DIDO1: variants seen among roughly 807,000 people sequenced by gnomAD.
The protein encoded by DIDO1 is death inducer-obliterator 1.
A neutral mutation model predicts 99.4 loss-of-function variants in DIDO1; 16 were observed. The observed-to-expected ratio is 0.16, with a 90% CI of 0.11 to 0.24. DIDO1 has a LOEUF of 0.24. DIDO1 is among the 10% of genes least tolerant of loss of function. DIDO1 has a pLI of 1.00. For missense variants in DIDO1, 2,996 were observed against 3,014.0 expected, an observed-to-expected ratio of 0.99 and a Z score of 0.14; for synonymous variants, 1,366 against 1,239.1, an observed-to-expected ratio of 1.10 and a Z score of -2.15.
At chr20:62,886,172 C>T (rs547216736) in intron 15 of DIDO1, among the ~76,000 whole-genome samples, 2 of 152,306 alleles carry the variant, frequency 1.3e-5, no homozygotes, top group South Asian at 2.1e-4. Flanking sequence ...AACCAGGGGC[C>T]GGGGCTCAGG....
At chr20:62,899,323 A>G (rs1050621683) in intron 6 of DIDO1, among the ~76,000 whole-genome samples, 13 of 152,258 alleles carry the variant, frequency 8.5e-5, no homozygotes, top group Admixed American at 8.5e-4. Flanking sequence ...TGACACACAG[A>G]ACACCTGTGT....
Position 62,880,678 on chromosome 20 carries a change from C to T in DIDO1, c.5278G>A (p.Ala1760Thr), listed in dbSNP as rs1309187614. ...CCGTGAAGCCCTGACATCCCCAAAG[C>T]ATGAGGTCCAGGTTCCCGCTGACCC... The part of the protein sequence containing the change: ...FQGQREPGPH[A>T]LGMSGLHGPN... The change falls in exon 16 of 16, where the codon GCT becomes ACT. Residue 1760 changes from alanine to threonine, a missense_variant. Physicochemically the swap from Ala to Thr is moderately conservative, Grantham distance 58. Transcript: ENST00000395343. 9.3e-6 allele frequency: 15 copies of T among 1,612,792 alleles called. No homozygotes were observed. The highest frequency in any genetic ancestry group is 1.3e-5 in the Non-Finnish European group (15 of 1,179,958).
intron 4 of DIDO1, among the ~76,000 whole-genome samples, chr20:62,907,619 T>G (rs2064836424): frequency 1.3e-5 from 2 of 152,238 alleles, no homozygotes; most frequent in Admixed American, 6.5e-5. Flanking sequence ...CTCTGCTCTG[T>G]GCACCCCTCT....
In DIDO1 at chr20:62,880,012, TTTG is replaced by T. The variant is rs771070700; in HGVS notation, c.5941_5943del (p.Gln1981del). On this transcript the variant is annotated inframe_deletion, in exon 16 of 16. Transcript: ENST00000395343. ...CCAAACTGCAGGGGTGCAGGCGCCC[TTTG>T]GTTTGTGAATCTTGGTGGTGAATGG... 13 of 1,611,694 alleles carry T rather than the reference TTTG, an allele frequency of 8.1e-6. No homozygotes were observed. In the South Asian group the frequency reaches 1.3e-4, roughly 16 times the overall value.
intron 4 of DIDO1, among the ~76,000 whole-genome samples, chr20:62,908,720 G>A (rs1044777315): frequency 4.6e-5 from 7 of 152,244 alleles, no homozygotes; most frequent in Non-Finnish European, 8.8e-5. Flanking sequence ...GATGTTGGGC[G>A]TGGTGGTGTG....
intron 15 of DIDO1, chr20:62,888,718 T>C (rs2064341002): frequency 3.0e-6 from 3 of 985,250 alleles, no homozygotes; most frequent in Non-Finnish European, 3.6e-6. Context: ...AGGACACACA[T>C]GTACATGTTT....
At chr20:62,889,436 T>C in intron 15 of DIDO1, 3 of 985,342 alleles carry the variant, frequency 3.0e-6, no homozygotes, top group Non-Finnish European at 3.6e-6. Flanking sequence ...AAGGATGAAA[T>C]ATCGCCTCAA....
At position 62,894,692 on chromosome 20, in the gene DIDO1, CCA is replaced by C; in HGVS notation, c.2436+116_2436+117del. The C allele has an allele frequency of 7.1e-7, 1 of 1,405,424 alleles. No homozygotes were observed. Among genetic ancestry groups the C allele is most frequent in the Non-Finnish European group, 9.6e-7 (1 of 1,040,960 alleles). 87.1% of individuals were successfully genotyped at this position (1,405,424 alleles called of 1,614,324 possible). A position where few individuals can be genotyped will look rare whatever the true frequency, so the allele number is the denominator to read the frequency against. ...CATCTAATACAAGGACTGAGGAATG[CCA>C]CAATGACATACACCTGCTGTAAGCT... is the stretch of plus-strand genomic sequence containing the variant. On this transcript the variant is annotated intron_variant, in intron 10 of 15. Transcript: ENST00000395343. The surrounding 1 kb of genome is among the most constrained non-coding windows in gnomAD (Gnocchi z 4.4).
At chr20:62,888,249 G>A in intron 15 of DIDO1, 1 of 985,520 alleles carries the variant, frequency 1.0e-6, no homozygotes, top group African/African-American at 1.7e-5. Flanking sequence ...CAATTGTGTG[G>A]TATAAACTGA....
chr20:62,923,652 G>A (rs1366924770), intron 1 of DIDO1, among the ~76,000 whole-genome samples: 1 of 152,078 alleles, frequency 6.6e-6, no homozygotes, highest in Non-Finnish European at 1.5e-5. Flanking sequence ...CCTTTCTAGT[G>A]TCTTTACTTT....
chr20:62,934,213 T>C (rs2065359851), intron 1 of DIDO1, among the ~76,000 whole-genome samples: 1 of 152,222 alleles, frequency 6.6e-6, no homozygotes, highest in East Asian at 1.9e-4. Context: ...GCCTCCATGC[T>C]GGTGGCTTCA....
chr20:62,916,736 C>T (rs777982259), intron 1 of DIDO1, among the ~76,000 whole-genome samples: 2 of 150,896 alleles, frequency 1.3e-5, no homozygotes, highest in Non-Finnish European at 2.9e-5. Context: ...AATCTTGCCT[C>T]ACACAGATAG....
At chr20:62,889,233 G>A in intron 15 of DIDO1, 3 of 985,598 alleles carry the variant, frequency 3.0e-6, no homozygotes, top group Non-Finnish European at 3.6e-6. Flanking sequence ...CTGCCCCGGG[G>A]CTGCACCTGC....
Position 62,878,138 on chromosome 20 carries a change from T to C in DIDO1, c.*1095A>G, listed in dbSNP as rs1042148156. On this transcript the variant is annotated 3_prime_UTR_variant, in exon 16 of 16. Transcript: ENST00000395343. ...GACTCCAAAGAACAAGTGAAGTTCTTTAATTTTACATCTGTAAAAGTTTAT... is the reference window on the plus strand; with the variant it reads ...GACTCCAAAGAACAAGTGAAGTTCTCTAATTTTACATCTGTAAAAGTTTAT... 2.6e-5 allele frequency: 4 copies of C among 152,248 alleles called. No individual in the cohort carries two copies. The highest frequency in any genetic ancestry group is 5.9e-5 in the Non-Finnish European group (4 of 68,042). The allele number at this position is 152,248 out of a possible 1,614,324, so 9.4% of individuals were successfully genotyped here. A position where few individuals can be genotyped will look rare whatever the true frequency, so the allele number is the denominator to read the frequency against.
chr20:62,905,183 G>C, intron 6 of DIDO1: 1 of 1,079,738 alleles, frequency 9.3e-7, no homozygotes, highest in Middle Eastern at 4.2e-4. Context: ...AAGAAAGCCA[G>C]TCACATGTAG....
intron 15 of DIDO1, chr20:62,887,109 G>A: frequency 5.1e-6 from 5 of 985,366 alleles, no homozygotes; most frequent in Non-Finnish European, 6.0e-6. Flanking sequence ...CTGCAGAGCT[G>A]GGCACACTAG....
intron 6 of DIDO1, among the ~76,000 whole-genome samples, chr20:62,904,807 A>AAAAAAAAAAAAAAAAAT (rs1568859998): frequency 2.1e-5 from 3 of 141,704 alleles, no homozygotes; most frequent in Admixed American, 7.2e-5. Context: ...AAAAAAAAAA[A>AAAAAAAAAAAAAAAAAT]GTGTCTTTTT....
In DIDO1 at chr20:62,896,935, T is replaced by C. The variant is rs1600949453; in HGVS notation, c.1650A>G (p.Thr550=). ...KAAAMAASKK[T]APPGSAVGKQ... ...TGCCCACCGCGGAGCCTGGAGGGGC[T>C]GTTTTCTTTGAGGCTGCCATGGCTG... The change falls in exon 7 of 16, where the codon ACA becomes ACG. Residue 550 remains threonine, a synonymous_variant. Coordinates refer to ENST00000395343, the MANE Select transcript of DIDO1 (RefSeq NM_001193369.2). The surrounding 1 kb of genome is among the most constrained non-coding windows in gnomAD (Gnocchi z 4.4). 1 of 1,613,996 alleles carries C rather than the reference T, an allele frequency of 6.2e-7. No homozygotes were observed. Among genetic ancestry groups the C allele is most frequent in the Non-Finnish European group, 8.5e-7 (1 of 1,179,942 alleles).
chr20:62,894,651 G>C lies in DIDO1; in HGVS notation c.2437-103C>G. ...CAGTCTCATGGGATTGAGACCCACG[G>C]GGGAGAAAAAAGGACCATCTAATAC... is the stretch of plus-strand genomic sequence containing the variant. On this transcript the variant is annotated intron_variant, in intron 10 of 15. Transcript: ENST00000395343. The surrounding 1 kb of genome is among the most constrained non-coding windows in gnomAD (Gnocchi z 4.4). 1 of 1,479,352 alleles carries C rather than the reference G, an allele frequency of 6.8e-7. No individual in the cohort carries two copies. Among genetic ancestry groups the C allele is most frequent in the Non-Finnish European group, 9.0e-7 (1 of 1,107,918 alleles). The allele number at this position is 1,479,352 out of a possible 1,614,324, so 91.6% of individuals were successfully genotyped here. A position where few individuals can be genotyped will look rare whatever the true frequency, so the allele number is the denominator to read the frequency against.
Sources: allele counts gnomAD v4.1 joint callset (sites outside exome capture counted in the v4.1 genomes callset), GRCh38; gene constraint gnomAD v4.1.1; non-coding constraint Gnocchi (gnomAD v3.1); transcripts MANE v1.5; gene names NCBI Gene and HGNC (gene_info 2026-07-23, HGNC 2026-07-21).